Variants in SNX25 observed in about 807,000 individuals in gnomAD.
SNX25 encodes sorting nexin 25.
A neutral mutation model predicts 113.7 loss-of-function variants in SNX25; 62 were observed. The ratio of observed to expected loss-of-function variants is 0.55; its 90% CI spans 0.44 to 0.67. The LOEUF is 0.67. SNX25 is among the 30% of genes least tolerant of loss of function. The pLI is 0.00. For missense variants in SNX25, 1,014 were observed against 1,161.0 expected (o/e 0.87, Z 1.84); for synonymous variants, 421 against 436.2 (o/e 0.97, Z 0.43).
At chr4:185,371,855 A>G (rs2095417221), downstream of SNX25, among the ~76,000 whole-genome samples, 1 of 152,156 alleles carries the variant, frequency 6.6e-6, no homozygotes, top group South Asian at 2.1e-4. Flanking sequence ...CCTCTCTTGT[A>G]GATGACTGCC....
At chr4:185,239,273 G>A (rs1353389489) in intron 1 of SNX25, among the ~76,000 whole-genome samples, 4 of 140,838 alleles carry the variant, frequency 2.8e-5, no homozygotes, top group South Asian at 4.7e-4. Flanking sequence ...CTTGAGGTCA[G>A]GAGATCGAGA....
intron 5 of SNX25, among the ~76,000 whole-genome samples, chr4:185,267,578 A>G (rs1382005588): frequency 6.6e-6 from 1 of 152,072 alleles, no homozygotes; most frequent in African/African-American, 2.4e-5. Context: ...TAAAAATACA[A>G]AAATCAGCTG....
At chr4:185,366,022 G>A (rs564094194), downstream of SNX25, 1 of 152,272 alleles carries the variant, frequency 6.6e-6, no homozygotes, top group East Asian at 1.9e-4. Context: ...AAGAAATCTT[G>A]TTTAAATCCA....
chr4:185,253,462 T>A (rs1185897238), intron 2 of SNX25, among the ~76,000 whole-genome samples: 2 of 149,788 alleles, frequency 1.3e-5, no homozygotes. Flanking sequence ...TTTTTTTTCT[T>A]TTCTTTTCTT....
intron 5 of SNX25, among the ~76,000 whole-genome samples, chr4:185,282,639 C>G (rs1372025015): frequency 6.6e-6 from 1 of 152,168 alleles, no homozygotes; most frequent in Non-Finnish European, 1.5e-5. Context: ...TGGCAGTTAT[C>G]TTTGTGTGGC....
chr4:185,286,267 C>T (rs942148514), intron 5 of SNX25, among the ~76,000 whole-genome samples: 6 of 152,130 alleles, frequency 3.9e-5, no homozygotes, highest in African/African-American at 1.2e-4. Flanking sequence ...CGGCATGCAT[C>T]ACCACTCCCA....
At chr4:185,325,060 C>T (rs951913307) in intron 9 of SNX25, among the ~76,000 whole-genome samples, 5 of 152,110 alleles carry the variant, frequency 3.3e-5, no homozygotes, top group Non-Finnish European at 4.4e-5. Context: ...GTTTCCAAAC[C>T]AAGAATCTGT....
intron 1 of SNX25, among the ~76,000 whole-genome samples, chr4:185,235,455 T>C (rs1672618314): frequency 6.6e-6 from 1 of 152,206 alleles, no homozygotes; most frequent in South Asian, 2.1e-4. Context: ...GGACATGGTT[T>C]AGGGTTGGCC....
At chr4:185,220,657 T>C (rs544091301) in intron 1 of SNX25, among the ~76,000 whole-genome samples, 1 of 152,008 alleles carries the variant, frequency 6.6e-6, no homozygotes, top group African/African-American at 2.4e-5. Flanking sequence ...AATTTTTGTA[T>C]TTTTAGTAGA....
downstream of SNX25, chr4:185,366,587 T>G (rs1718042755): frequency 6.6e-6 from 1 of 152,208 alleles, no homozygotes; most frequent in South Asian, 2.1e-4. Context: ...TAGTGCAGTT[T>G]TAGCTTTAAT....
intron 6 of SNX25, among the ~76,000 whole-genome samples, chr4:185,294,700 T>C (rs1271885315): frequency 2.0e-5 from 3 of 152,198 alleles, no homozygotes; most frequent in Non-Finnish European, 4.4e-5. Context: ...AGCAGAACAA[T>C]GTATTAACAA....
chr4:185,254,068 G>T (rs1746048146), intron 2 of SNX25, among the ~76,000 whole-genome samples: 1 of 152,146 alleles, frequency 6.6e-6, no homozygotes, highest in Non-Finnish European at 1.5e-5. Flanking sequence ...CAGATGTCTG[G>T]CTGCCTGGGA....
At chr4:185,278,532 G>C (rs1179811811) in intron 5 of SNX25, among the ~76,000 whole-genome samples, 2 of 152,044 alleles carry the variant, frequency 1.3e-5, no homozygotes, top group Non-Finnish European at 2.9e-5. Flanking sequence ...TGTAGTTCTC[G>C]GATCATAGTA....
chr4:185,233,664 A>G (rs1204258805), intron 1 of SNX25, among the ~76,000 whole-genome samples: 1 of 151,902 alleles, frequency 6.6e-6, no homozygotes, highest in Non-Finnish European at 1.5e-5. Context: ...CTGCCTGTGT[A>G]TTTTCAAGTA....
chr4:185,288,227 C>T, intron 6 of SNX25, 145 bp downstream of exon 6: 3 of 601,788 alleles, frequency 5.0e-6, no homozygotes, highest in South Asian at 2.3e-5. Flanking sequence ...AATACTATTA[C>T]AGTATTAGAG....
downstream of SNX25, among the ~76,000 whole-genome samples, chr4:185,367,502 A>G (rs1486860120): frequency 2.0e-5 from 3 of 152,212 alleles, no homozygotes; most frequent in East Asian, 5.8e-4. Flanking sequence ...TTAAGCACCA[A>G]TGATAGCATT....
downstream of SNX25, chr4:185,373,111 G>A (rs901064102): frequency 6.4e-7 from 1 of 1,556,826 alleles, no homozygotes; most frequent in Non-Finnish European, 8.8e-7. Context: ...CATTGTATTT[G>A]TGATCCACTA....
intron 1 of SNX25, among the ~76,000 whole-genome samples, chr4:185,235,911 C>T (rs949517399): frequency 3.9e-5 from 6 of 151,912 alleles, no homozygotes; most frequent in Non-Finnish European, 7.4e-5. Context: ...GGCTAGGGGC[C>T]GAAGAGAGAG....
chr4:185,313,583 C>G (rs553630699), intron 7 of SNX25, among the ~76,000 whole-genome samples: 17 of 152,248 alleles, frequency 1.1e-4, no homozygotes, highest in African/African-American at 4.1e-4. Flanking sequence ...AAATTAGGAA[C>G]TATTTTCAAT....
Sources: gnomAD v4.1 joint callset for allele counts (sites outside exome capture counted in the v4.1 genomes callset) on GRCh38, gnomAD v4.1.1 for gene constraint, MANE v1.5 for transcripts, NCBI Gene and HGNC (gene_info 2026-07-23, HGNC 2026-07-21) for gene names.